The following GRM5 variants were observed in gnomAD, a reference collection of about 807,000 sequenced individuals.
The protein encoded by GRM5 is metabotropic glutamate receptor 5.
A neutral mutation model predicts 83.1 loss-of-function variants in GRM5; 19 were observed. That is an observed-to-expected ratio of 0.23 (90% confidence interval 0.16 to 0.34). The LOEUF is 0.34. GRM5 is among the 10% of genes least tolerant of loss of function. The pLI, the probability that GRM5 is intolerant of heterozygous loss-of-function variation, is 1.00. For synonymous variants in GRM5, 675 were observed against 633.6 expected (o/e 1.07, Z -0.98); for missense variants, 1,160 against 1,588.3 (o/e 0.73, Z 4.58).
chr11:88,687,889 T>C (rs532234249), intron 3 of GRM5, among the ~76,000 whole-genome samples: 2 of 151,982 alleles, frequency 1.3e-5, no homozygotes, highest in African/African-American at 4.8e-5. Flanking sequence ...GTACTGAGAA[T>C]CAAATTTAGA....
intron 4 of GRM5, among the ~76,000 whole-genome samples, chr11:88,625,740 G>A (rs1241694769): frequency 6.6e-6 from 1 of 152,018 alleles, no homozygotes. Flanking sequence ...ATAAACCTTT[G>A]TAACAAATGT....
chr11:88,974,386 T>C (rs1282609996), intron 2 of GRM5, among the ~76,000 whole-genome samples: 1 of 149,254 alleles, frequency 6.7e-6, no homozygotes, highest in African/African-American at 2.5e-5. Flanking sequence ...GATAGATAGA[T>C]AGATAGATAG....
At chr11:88,711,918 CT>C (rs1189234084) in intron 3 of GRM5, among the ~76,000 whole-genome samples, 1 of 152,038 alleles carries the variant, frequency 6.6e-6, no homozygotes, top group Non-Finnish European at 1.5e-5. Context: ...GTAATCTACA[CT>C]CTCCCTGACC....
intron 2 of GRM5, among the ~76,000 whole-genome samples, chr11:88,879,821 T>C (rs1033755949): frequency 2.6e-5 from 4 of 152,252 alleles, no homozygotes; most frequent in Non-Finnish European, 5.9e-5. Context: ...AGATTGCCTA[T>C]AGAGCTGAAA....
chr11:88,765,306 T>C (rs1413254687), intron 3 of GRM5, among the ~76,000 whole-genome samples: 1 of 150,498 alleles, frequency 6.6e-6, no homozygotes, highest in Non-Finnish European at 1.5e-5. Flanking sequence ...TTCTACCAAC[T>C]GTTTAAGGAA....
intron 3 of GRM5, among the ~76,000 whole-genome samples, chr11:88,827,490 A>T (rs1031157588): frequency 6.6e-6 from 1 of 152,248 alleles, no homozygotes; most frequent in Non-Finnish European, 1.5e-5. Context: ...ACAAATGAAG[A>T]GTCAGCTAGT....
Position 88,653,153 on chromosome 11 carries a change from A to G in GRM5, c.1147+15T>C. On this transcript the variant is annotated intron_variant, in intron 4 of 9. Coordinates refer to ENST00000305447, the MANE Select transcript of GRM5 (RefSeq NM_001143831.3). ...TAGCCTTATGCATTTTAAATGAAAT[A>G]ATAAATCTGCTTACTATTGCAAGTC... 6.9e-7 allele frequency: 1 copy of G among 1,449,574 alleles called. No individual in the cohort carries two copies. The highest frequency in any genetic ancestry group is 9.7e-7 in the Non-Finnish European group (1 of 1,031,096). 89.8% of individuals were successfully genotyped at this position (1,449,574 alleles called of 1,614,324 possible). A position where few individuals can be genotyped will look rare whatever the true frequency, so the allele number is the denominator to read the frequency against.
intron 2 of GRM5, among the ~76,000 whole-genome samples, chr11:88,851,656 G>T (rs1014975514): frequency 5.3e-5 from 8 of 152,208 alleles, no homozygotes; most frequent in Non-Finnish European, 1.2e-4. Context: ...CTGTCCTGAT[G>T]TGGGTGCTAC....
chr11:88,538,060 C>T (rs1428766809), intron 8 of GRM5, among the ~76,000 whole-genome samples: 1 of 150,406 alleles, frequency 6.6e-6, no homozygotes, highest in African/African-American at 2.4e-5. Context: ...TCAAAGGTTT[C>T]TGCACAAAGA....
chr11:88,951,091 GT>G (rs1565306525), intron 2 of GRM5, among the ~76,000 whole-genome samples: 1 of 152,102 alleles, frequency 6.6e-6, no homozygotes, highest in Non-Finnish European at 1.5e-5. Context: ...GTGTGTGTGT[GT>G]GTATCTGTGT....
intron 3 of GRM5, among the ~76,000 whole-genome samples, chr11:88,685,305 G>A (rs1462350872): frequency 6.6e-6 from 1 of 152,200 alleles, no homozygotes; most frequent in Admixed American, 6.5e-5. Context: ...TTGAAATTGA[G>A]AGAGATGATT....
intron 7 of GRM5, among the ~76,000 whole-genome samples, chr11:88,588,825 T>C (rs1190848841): frequency 6.6e-6 from 1 of 152,126 alleles, no homozygotes. Flanking sequence ...TGTGTTGTTT[T>C]ATGTCTCTTT....
intron 2 of GRM5, among the ~76,000 whole-genome samples, chr11:88,910,298 C>T (rs1156604999): frequency 1.3e-5 from 2 of 152,024 alleles, no homozygotes; most frequent in Non-Finnish European, 2.9e-5. Context: ...TACAGGACAA[C>T]ATTTTGTTCA....
At chr11:88,652,033 T>G (rs1284723053) in intron 4 of GRM5, among the ~76,000 whole-genome samples, 1 of 152,016 alleles carries the variant, frequency 6.6e-6, no homozygotes, top group Non-Finnish European at 1.5e-5. Context: ...TGGACTAGAA[T>G]TGGGTAATGG....
At chr11:88,648,679 A>G (rs1482946682) in intron 4 of GRM5, among the ~76,000 whole-genome samples, 1 of 151,746 alleles carries the variant, frequency 6.6e-6, no homozygotes, top group East Asian at 1.9e-4. Flanking sequence ...TTTTCAAGAG[A>G]GAGATTCAAA....
At chr11:88,635,597 A>G (rs184807212) in intron 4 of GRM5, among the ~76,000 whole-genome samples, 6 of 152,218 alleles carry the variant, frequency 3.9e-5, no homozygotes, top group Admixed American at 2.6e-4. Context: ...ATTTTATCAG[A>G]TATATGGTTG....
intron 4 of GRM5, among the ~76,000 whole-genome samples, chr11:88,651,295 G>T (rs1408415348): frequency 6.6e-6 from 1 of 151,994 alleles, no homozygotes; most frequent in African/African-American, 2.4e-5. Flanking sequence ...GGGAAAAGAA[G>T]AAATTAATAA....
At chr11:88,820,809 T>C (rs901577393) in intron 3 of GRM5, among the ~76,000 whole-genome samples, 3 of 152,216 alleles carry the variant, frequency 2.0e-5, no homozygotes, top group Non-Finnish European at 2.9e-5. Context: ...TTTGGAGGCA[T>C]GGATTCCTAA....
chr11:88,945,165 AG>A (rs1446743154), intron 2 of GRM5, among the ~76,000 whole-genome samples: 2 of 151,708 alleles, frequency 1.3e-5, no homozygotes, highest in African/African-American at 4.8e-5. Flanking sequence ...CAAAATGCCT[AG>A]GAATACATCT....
Sources: allele counts gnomAD v4.1 joint callset (sites outside exome capture counted in the v4.1 genomes callset), GRCh38; gene constraint gnomAD v4.1.1; transcripts MANE v1.5; gene names NCBI Gene and HGNC (gene_info 2026-07-23, HGNC 2026-07-21).